The following CADM1 variants were observed in gnomAD, a reference collection of about 807,000 sequenced individuals.
CADM1 encodes the protein TSLC-1.
In CADM1, 15 loss-of-function variants were observed where a neutral mutation model predicts 53.1. The ratio of observed to expected loss-of-function variants is 0.28; its 90% CI spans 0.19 to 0.44. CADM1 has a LOEUF of 0.44. CADM1 is among the 20% of genes least tolerant of loss of function. CADM1 has a pLI of 1.00. For synonymous variants in CADM1, 281 were observed against 243.0 expected (o/e 1.16, Z -1.45); for missense variants, 434 against 611.3 (o/e 0.71, Z 3.06).
Position 115,290,384 on chromosome 11 carries a change from G to A in CADM1, c.125-49964C>T, listed in dbSNP as rs138046246. ...GACAGTGGCAGGAAGTCTGCTGGAT[G>A]GAAGTCACTCAGCTCACTCCTCTGC... On this transcript the variant is annotated intron_variant, in intron 1 of 11. Transcript: ENST00000331581. Among the ~76,000 whole-genome samples the A allele has an allele frequency of 3.0e-3, 455 of 152,272 alleles. 2 individuals carry two copies. The highest frequency in any genetic ancestry group is 9.7e-3 in the African/African-American group (404 of 41,552).
At chr11:115,488,781 G>A (rs550410746) in intron 1 of CADM1, among the ~76,000 whole-genome samples, 1 of 152,310 alleles carries the variant, frequency 6.6e-6, no homozygotes, top group Admixed American at 6.5e-5. Flanking sequence ...CACACAAATA[G>A]TGGAAGCATC....
chr11:115,308,816 TTCCA>T lies in CADM1; in HGVS notation c.125-68400_125-68397del, dbSNP rs995538483. On this transcript the variant is annotated intron_variant, in intron 1 of 11. Transcript: ENST00000331581. ...CTTCCTCCCTCCCTCCCTCCCTTCC[TTCCA>T]TCCCTCCCTTTCCTTCCTTATTTTA... Among the ~76,000 whole-genome samples, 5 of 133,904 alleles carry T rather than the reference TTCCA, an allele frequency of 3.7e-5. No homozygotes were observed. In the Admixed American group the frequency reaches 3.9e-4, roughly 10 times the overall value. 87.8% of individuals were successfully genotyped at this position (133,904 alleles called of 152,430 possible).
At chr11:115,377,553 TC>T (rs1203110796) in intron 1 of CADM1, 1 of 152,110 alleles carries the variant, frequency 6.6e-6, no homozygotes, top group African/African-American at 2.4e-5. Flanking sequence ...TGAATAAAAT[TC>T]CCTACTTAAT....
At position 115,476,119 on chromosome 11, in the gene CADM1, T is replaced by C. The variant is rs117705381; in HGVS notation, c.124+28152A>G. On this transcript the variant is annotated intron_variant, in intron 1 of 11. Transcript: ENST00000331581. Reference sequence around the variant, plus strand: ...CAAAGTCTCAGTATTTAATATGCAATTCACATTCAAATTAAATCAATATAT... The same window carrying C: ...CAAAGTCTCAGTATTTAATATGCAACTCACATTCAAATTAAATCAATATAT... Among the ~76,000 whole-genome samples, 501 of 152,260 alleles carry C rather than the reference T, an allele frequency of 3.3e-3. 3 individuals are homozygous for C. The highest frequency in any genetic ancestry group is 6.1e-3 in the Non-Finnish European group (413 of 68,010).
chr11:115,377,022 G>A lies in CADM1; in HGVS notation c.124+127249C>T, dbSNP rs184840152. 2.4e-3 allele frequency among the ~76,000 whole-genome samples: 363 copies of A among 152,226 alleles called. 1 individual carries two copies. The highest frequency in any genetic ancestry group is 6.8e-3 in the Middle Eastern group (2 of 294). On this transcript the variant is annotated intron_variant, in intron 1 of 11. Coordinates refer to ENST00000331581, the MANE Select transcript of CADM1 (RefSeq NM_001301043.2). ...GCCGGCTTTAAATTACAAATGTCAT[G>A]CGCCATGACTAAAGAAAGGGCACTG...
At chr11:115,436,057 C>T (rs1948176318) in intron 1 of CADM1, among the ~76,000 whole-genome samples, 2 of 152,162 alleles carry the variant, frequency 1.3e-5, no homozygotes, top group African/African-American at 4.8e-5. Flanking sequence ...CTAACCTACG[C>T]CATGGTGACA....
Position 115,173,987 on chromosome 11 carries a change from G to A in CADM1, c.*2487C>T. The A allele has an allele frequency of 1.0e-6, 1 of 955,334 alleles. No individual in the cohort carries two copies. The highest frequency in any genetic ancestry group is 4.8e-5 in the South Asian group (1 of 20,630). 59.2% of individuals were successfully genotyped at this position (955,334 alleles called of 1,614,324 possible). On this transcript the variant is annotated 3_prime_UTR_variant, in exon 12 of 12. Coordinates refer to ENST00000331581, the MANE Select transcript of CADM1 (RefSeq NM_001301043.2). ...TACTCAACAATACATTTCAAACAGT[G>A]CACTGTATACTTAAGAAAAAATACA...
At position 115,504,398 on chromosome 11, in the gene CADM1, G is replaced by T. The variant is rs949567687; in HGVS notation, c.-4C>A. 15 of 1,545,188 alleles carry T rather than the reference G, an allele frequency of 9.7e-6. No homozygotes were observed. Among genetic ancestry groups the T allele is most frequent in the Non-Finnish European group, 1.3e-5 (15 of 1,145,998 alleles). On this transcript the variant is annotated 5_prime_UTR_variant, in exon 1 of 12. Coordinates refer to ENST00000331581, the MANE Select transcript of CADM1 (RefSeq NM_001301043.2). ...TCGGCAGCACTACACTCGCCATGTC[G>T]GGCACCTGCCTCAGACTGGCGGCGT... is the stretch of plus-strand genomic sequence containing the variant.
chr11:115,255,039 G>A (rs1942738406), intron 1 of CADM1, among the ~76,000 whole-genome samples: 2 of 152,140 alleles, frequency 1.3e-5, no homozygotes, highest in South Asian at 4.1e-4. Flanking sequence ...ATAAGAGTCA[G>A]GGAAAAGAGT....
intron 10 of CADM1, among the ~76,000 whole-genome samples, chr11:115,186,513 G>T (rs1381645067): frequency 6.6e-6 from 1 of 152,122 alleles, no homozygotes; most frequent in South Asian, 2.1e-4. Context: ...ATTTCATAGG[G>T]GGAAAGGTGG....
At chr11:115,213,830 T>C (rs183215455) in intron 7 of CADM1, among the ~76,000 whole-genome samples, 36 of 152,212 alleles carry the variant, frequency 2.4e-4, no homozygotes, top group African/African-American at 8.4e-4. Context: ...TTTTTTGGCA[T>C]ATGAGGCTTC....
intron 1 of CADM1, among the ~76,000 whole-genome samples, chr11:115,419,488 T>C (rs988518318): frequency 2.0e-5 from 3 of 152,220 alleles, no homozygotes; most frequent in African/African-American, 4.8e-5. Context: ...ATAATCCTTT[T>C]GAGTCTTTAA....
At chr11:115,444,074 C>T (rs1948391863) in intron 1 of CADM1, among the ~76,000 whole-genome samples, 1 of 151,972 alleles carries the variant, frequency 6.6e-6, no homozygotes, top group South Asian at 2.1e-4. Flanking sequence ...AGAAATACGG[C>T]TCCATGCAAT....
chr11:115,274,110 T>G (rs961369278), intron 1 of CADM1, among the ~76,000 whole-genome samples: 1 of 152,232 alleles, frequency 6.6e-6, no homozygotes, highest in Non-Finnish European at 1.5e-5. Flanking sequence ...TAAAGGAGCA[T>G]GTGAATTCAT....
At chr11:115,460,927 A>T in intron 1 of CADM1, among the ~76,000 whole-genome samples, 1 of 152,112 alleles carries the variant, frequency 6.6e-6, no homozygotes, top group East Asian at 1.9e-4. Context: ...TGGGCCTATG[A>T]ACCCATGCTA....
At chr11:115,237,113 T>C (rs1403483229) in intron 3 of CADM1, among the ~76,000 whole-genome samples, 2 of 152,128 alleles carry the variant, frequency 1.3e-5, no homozygotes, top group African/African-American at 4.8e-5. Flanking sequence ...CTTACTCCAA[T>C]AAGCAAAGAG....
Position 115,170,248 on chromosome 11 carries a change from C to G in CADM1, c.*6226G>C, listed in dbSNP as rs1445392391. 3 of 152,662 alleles carry G rather than the reference C, an allele frequency of 2.0e-5. No homozygotes were observed. Among genetic ancestry groups the G allele is most frequent in the African/African-American group, 7.2e-5 (3 of 41,400 alleles). 9.5% of individuals were successfully genotyped at this position (152,662 alleles called of 1,614,324 possible). Reference sequence around the variant, plus strand: ...CCCTCAGTAGTGGTTCTCACCTTCCCCAGATCAACACTTCGAAGGATTAGG... The same window carrying G: ...CCCTCAGTAGTGGTTCTCACCTTCCGCAGATCAACACTTCGAAGGATTAGG... On this transcript the variant is annotated 3_prime_UTR_variant, in exon 12 of 12. Coordinates refer to ENST00000331581, the MANE Select transcript of CADM1 (RefSeq NM_001301043.2).
chr11:115,188,994 A>T (rs958834275), intron 10 of CADM1, among the ~76,000 whole-genome samples: 1 of 152,168 alleles, frequency 6.6e-6, no homozygotes. Context: ...CTTCGAACAA[A>T]GGTGCTAATC....
chr11:115,463,493 CA>C (rs948775697), intron 1 of CADM1, among the ~76,000 whole-genome samples: 2 of 152,172 alleles, frequency 1.3e-5, no homozygotes, highest in African/African-American at 4.8e-5. Context: ...CAGCAGACAA[CA>C]AAACAACCTC....
Sources: allele counts gnomAD v4.1 joint callset (sites outside exome capture counted in the v4.1 genomes callset), GRCh38; gene constraint gnomAD v4.1.1; transcripts MANE v1.5; gene names NCBI Gene and HGNC (gene_info 2026-07-23, HGNC 2026-07-21).